The following ASCC1 variants were observed in gnomAD, a reference collection of about 807,000 sequenced individuals.
The protein encoded by ASCC1 is ASC-1 complex subunit P50.
ASCC1 carries 35 observed loss-of-function variants against 46.6 expected under a neutral mutation model. That is an observed-to-expected ratio of 0.75 (90% confidence interval 0.57 to 0.99). The LOEUF (loss-of-function observed/expected upper bound fraction) is 0.99, where lower values mean the gene tolerates loss of function less well. Ranked by LOEUF, ASCC1 falls within the 50% of genes least tolerant of loss-of-function variation. ASCC1 has a pLI of 0.00. For synonymous variants in ASCC1, 143 were observed against 146.6 expected (o/e 0.98, Z 0.18); for missense variants, 376 against 428.7 (o/e 0.88, Z 1.09).
At chr10:72,209,679 G>A (rs1857762605) in intron 3 of ASCC1, among the ~76,000 whole-genome samples, 1 of 152,190 alleles carries the variant, frequency 6.6e-6, no homozygotes, top group Non-Finnish European at 1.5e-5. Flanking sequence ...AGCTACTCAG[G>A]AGGCTGAGGC....
At chr10:72,183,823 G>T (rs1853016922) in intron 5 of ASCC1, among the ~76,000 whole-genome samples, 1 of 152,020 alleles carries the variant, frequency 6.6e-6, no homozygotes, top group East Asian at 1.9e-4. Context: ...AAAGCTGAGA[G>T]AAATTATTTC....
chr10:72,172,507 TC>T (rs1396970694), intron 5 of ASCC1, among the ~76,000 whole-genome samples: 1 of 149,546 alleles, frequency 6.7e-6, no homozygotes, highest in African/African-American at 2.4e-5. Flanking sequence ...GGCTTTTTTT[TC>T]TTTTTTTCTT....
intron 5 of ASCC1, among the ~76,000 whole-genome samples, chr10:72,169,495 G>A (rs1052459363): frequency 6.6e-6 from 1 of 151,792 alleles, no homozygotes; most frequent in African/African-American, 2.4e-5. Context: ...TAAGAAAGAA[G>A]GGAAAATAAG....
chr10:72,117,439 C>T (rs555231155), intron 9 of ASCC1, among the ~76,000 whole-genome samples: 6 of 152,314 alleles, frequency 3.9e-5, no homozygotes, highest in African/African-American at 1.4e-4. Flanking sequence ...GGGTCTATTT[C>T]CTCCTTTTAG....
Position 72,169,772 on chromosome 10 carries a change from C to T in ASCC1, c.490-8098G>A, listed in dbSNP as rs986463183. Among the ~76,000 whole-genome samples, 10 of 152,128 alleles carry T rather than the reference C, an allele frequency of 6.6e-5. No homozygotes were observed. In the East Asian group the frequency reaches 7.7e-4, roughly 12 times the overall value. On this transcript the variant is annotated intron_variant, in intron 5 of 9. Transcript: ENST00000672957. ...TTTGAAAGTAAACTAAAAATAAACC[C>T]AACTGTATTTTAAATGAATATCAAA...
At chr10:72,110,657 C>G (rs1344602338) in intron 9 of ASCC1, among the ~76,000 whole-genome samples, 1 of 152,226 alleles carries the variant, frequency 6.6e-6, no homozygotes, top group East Asian at 1.9e-4. Flanking sequence ...CGTGGTGGCA[C>G]GTGCCTGTAA....
chr10:72,125,854 C>T (rs1449996664), intron 9 of ASCC1, among the ~76,000 whole-genome samples: 3 of 152,202 alleles, frequency 2.0e-5, no homozygotes, highest in Admixed American at 6.5e-5. Flanking sequence ...GTACCCCTCA[C>T]GGACTGGAAG....
At chr10:72,192,680 G>C (rs1473202500) in intron 5 of ASCC1, among the ~76,000 whole-genome samples, 1 of 152,064 alleles carries the variant, frequency 6.6e-6, no homozygotes, top group Non-Finnish European at 1.5e-5. Flanking sequence ...TTTTAGTAGA[G>C]ATCGGATTTC....
chr10:72,144,610 T>C (rs1431050835), intron 7 of ASCC1, among the ~76,000 whole-genome samples: 9 of 152,178 alleles, frequency 5.9e-5, no homozygotes, highest in Admixed American at 5.9e-4. Context: ...TCTACTTGTT[T>C]GGAATTTACA....
At chr10:72,200,259 A>G (rs1018236370) in intron 4 of ASCC1, among the ~76,000 whole-genome samples, 13 of 152,168 alleles carry the variant, frequency 8.5e-5, no homozygotes, top group African/African-American at 3.1e-4. Flanking sequence ...AATAGCAATT[A>G]TGTTTGGGGT....
intron 5 of ASCC1, chr10:72,190,343 A>C: frequency 8.3e-7 from 1 of 1,209,742 alleles, no homozygotes; most frequent in East Asian, 2.3e-5. Flanking sequence ...TTCCACATAC[A>C]AATTTTTTGA....
chr10:72,118,515 C>T (rs1843766339), intron 9 of ASCC1, among the ~76,000 whole-genome samples: 1 of 152,146 alleles, frequency 6.6e-6, no homozygotes, highest in African/African-American at 2.4e-5. Context: ...CATGGTGGCT[C>T]ACGCCTGTAA....
At chr10:72,197,261 G>A (rs1855576439) in intron 4 of ASCC1, among the ~76,000 whole-genome samples, 2 of 151,950 alleles carry the variant, frequency 1.3e-5, no homozygotes, top group African/African-American at 4.8e-5. Flanking sequence ...CACGAGGTCA[G>A]GAGATCGAGA....
intron 3 of ASCC1, chr10:72,204,540 T>C (rs1352403251): frequency 1.3e-6 from 2 of 1,549,002 alleles, no homozygotes; most frequent in Admixed American, 2.0e-5. Context: ...TCAGAGTCTA[T>C]AAAGCACTAA....
intron 9 of ASCC1, among the ~76,000 whole-genome samples, chr10:72,116,734 T>C (rs187543641): frequency 1.3e-5 from 2 of 152,346 alleles, no homozygotes; most frequent in African/African-American, 4.8e-5. Context: ...CATTTCTATT[T>C]GGTTCTTTTT....
rs201510954 is a variant in ASCC1 at position 72,131,595 on chromosome 10, GATTT to G, written c.871+1458_871+1461del. On this transcript the variant is annotated intron_variant, in intron 8 of 9. Transcript: ENST00000672957. ...TCAGTGTTCTCAAAAGTAAAATAGA[GATTT>G]ATTTATAAGTCTTAAATAAAATTCA... 3.3e-5 allele frequency among the ~76,000 whole-genome samples: 5 copies of G among 152,126 alleles called. No homozygotes were observed. The East Asian group carries it at 9.6e-4, about 29-fold the overall frequency.
chr10:72,165,305 G>A (rs1019474736), intron 5 of ASCC1, among the ~76,000 whole-genome samples: 4 of 151,968 alleles, frequency 2.6e-5, no homozygotes, highest in Admixed American at 1.3e-4. Flanking sequence ...TAGTAGAGAC[G>A]GGGTTTCTCC....
chr10:72,140,770 G>A (rs1459707642), intron 7 of ASCC1, among the ~76,000 whole-genome samples: 2 of 152,148 alleles, frequency 1.3e-5, no homozygotes, highest in Non-Finnish European at 2.9e-5. Flanking sequence ...GGCTGTGAAA[G>A]GAAGATGGCA....
chr10:72,172,987 T>C (rs1262627131), intron 5 of ASCC1, among the ~76,000 whole-genome samples: 1 of 142,090 alleles, frequency 7.0e-6, no homozygotes, highest in Admixed American at 7.5e-5. Context: ...ACAATATTTT[T>C]ATATTATATA....
Sources: gnomAD v4.1 joint callset for allele counts (sites outside exome capture counted in the v4.1 genomes callset) on GRCh38, gnomAD v4.1.1 for gene constraint, MANE v1.5 for transcripts, NCBI Gene and HGNC (gene_info 2026-07-23, HGNC 2026-07-21) for gene names.